The following BTBD1 variants were observed in gnomAD, a reference collection of about 807,000 sequenced individuals.
The protein encoded by BTBD1 is BTB/POZ domain-containing protein 1.
A neutral mutation model predicts 48.0 loss-of-function variants in BTBD1; 34 were observed. The observed-to-expected ratio is 0.71, with a 90% CI of 0.54 to 0.94. The LOEUF (loss-of-function observed/expected upper bound fraction) is 0.94, where lower values mean the gene tolerates loss of function less well. BTBD1 is among the 40% of genes least tolerant of loss of function. BTBD1 has a pLI of 0.00. For synonymous variants in BTBD1, 261 were observed against 242.1 expected, an observed-to-expected ratio of 1.08 and a Z score of -0.72; for missense variants, 543 against 625.6, an observed-to-expected ratio of 0.87 and a Z score of 1.41.
At chr15:83,041,535 C>A (rs1313792501) in intron 4 of BTBD1, among the ~76,000 whole-genome samples, 193 bp downstream of exon 4, 1 of 151,976 alleles carries the variant, frequency 6.6e-6, no homozygotes, top group Admixed American at 6.6e-5. Flanking sequence ...ACCACCATGC[C>A]TAATTTTTTG....
intron 3 of BTBD1, chr15:83,044,297 C>A (rs889734085): frequency 7.8e-6 from 6 of 768,380 alleles, no homozygotes; most frequent in Admixed American, 4.6e-5. Context: ...AAAATAAATA[C>A]CCCAGTTCGA....
chr15:83,044,992 G>A (rs1215127861), intron 3 of BTBD1, among the ~76,000 whole-genome samples: 1 of 151,934 alleles, frequency 6.6e-6, no homozygotes, highest in Non-Finnish European at 1.5e-5. Context: ...AAATACCCCA[G>A]TTCCTAAAAA....
rs144944825 is a variant in BTBD1, at chr15:83,053,991, GT to G, written c.558+2397del. Among the ~76,000 whole-genome samples, 264 of 152,334 alleles carry G rather than the reference GT, an allele frequency of 1.7e-3. 1 individual carries two copies. The highest frequency in any genetic ancestry group is 6.2e-3 in the African/African-American group (256 of 41,580). Reference sequence around the variant, plus strand: ...TTAGTTTTACCCACTGCTGTCTAGTGTAATAAGACGTTAACTTCTGTAAGCT... The same window carrying G: ...TTAGTTTTACCCACTGCTGTCTAGTGAATAAGACGTTAACTTCTGTAAGCT... On this transcript the variant is annotated intron_variant, in intron 2 of 7. Transcript: ENST00000261721.
At chr15:83,041,704 A>AT (rs1196275292) in intron 4 of BTBD1, 24 bp downstream of exon 4, 1 of 1,608,052 alleles carries the variant, frequency 6.2e-7, no homozygotes, top group East Asian at 2.2e-5. Flanking sequence ...TTTCAAATAG[A>AT]TTTTGGTGAA....
At chr15:83,050,825 A>G (rs1266363823) in intron 2 of BTBD1, among the ~76,000 whole-genome samples, 2 of 152,200 alleles carry the variant, frequency 1.3e-5, no homozygotes, top group African/African-American at 4.8e-5. Context: ...GGAATATTAT[A>G]CAACAATGAG....
rs200988095 is a variant in BTBD1, at chr15:83,050,072, C to T, written c.664+1G>A. The T allele has an allele frequency of 3.8e-6, 6 of 1,590,446 alleles. No individual in the cohort carries two copies. Among genetic ancestry groups the T allele is most frequent in the Non-Finnish European group, 5.2e-6 (6 of 1,159,956 alleles). ...AACAATTTACTTCATAGCGAACTTACCTATATCAATATCAGTAAACCCTTC... is the reference window on the plus strand; with the variant it reads ...AACAATTTACTTCATAGCGAACTTATCTATATCAATATCAGTAAACCCTTC... On this transcript the variant is annotated splice_donor_variant, in intron 3 of 7. Coordinates refer to ENST00000261721, the MANE Select transcript of BTBD1 (RefSeq NM_025238.4). LOFTEE classifies it high-confidence loss of function.
chr15:83,067,016 A>G lies in BTBD1; in HGVS notation c.136T>C (p.Tyr46His). 1.3e-6 allele frequency: 2 copies of G among 1,584,368 alleles called. No homozygotes were observed. Among genetic ancestry groups the G allele is most frequent in the Non-Finnish European group, 1.7e-6 (2 of 1,167,522 alleles). Residue 46 changes from tyrosine to histidine, a missense_variant, in exon 1 of 8, where the codon TAC becomes CAC. Around this residue, in one of 3 missense-constraint regions of BTBD1, gnomAD observed 173 missense variants for 163.9 expected, o/e 1.06. Coordinates refer to ENST00000261721, the MANE Select transcript of BTBD1 (RefSeq NM_025238.4). ...GACGCCTTGGTCGCCTGCCAGTTGT[A>G]GAGAGGTTCCCGCTGCAGGGGGAGC... The part of the protein sequence containing the change: ...PLLPLQREPL[Y>H]NWQATKASLK...
At chr15:83,021,452 A>G (rs143495304) in intron 5 of BTBD1, among the ~76,000 whole-genome samples, 310 of 152,306 alleles carry the variant, frequency 2.0e-3, no homozygotes, top group Admixed American at 4.3e-3. Context: ...AAAAACTGAC[A>G]TTAAATACAT....
intron 2 of BTBD1, among the ~76,000 whole-genome samples, chr15:83,053,341 C>T (rs963121586): frequency 6.6e-6 from 1 of 152,054 alleles, no homozygotes; most frequent in Admixed American, 6.6e-5. Flanking sequence ...GGCTAATTCA[C>T]ATGACCCCAC....
chr15:83,027,610 G>C (rs962999131), intron 5 of BTBD1, among the ~76,000 whole-genome samples: 4 of 152,164 alleles, frequency 2.6e-5, no homozygotes, highest in African/African-American at 4.8e-5. Context: ...GCCACAGCTG[G>C]AAACGTGCTG....
intron 5 of BTBD1, among the ~76,000 whole-genome samples, chr15:83,027,992 TATCA>T (rs1315035781): frequency 2.0e-5 from 3 of 152,222 alleles, no homozygotes; most frequent in Non-Finnish European, 4.4e-5. Flanking sequence ...CTAGATCACT[TATCA>T]ATTAAAAAAT....
Position 83,020,697 on chromosome 15 carries a change from G to GT in BTBD1, c.1120dup (p.Thr374AsnfsTer11). On this transcript the variant is annotated frameshift_variant, in exon 6 of 8. Coordinates refer to ENST00000261721, the MANE Select transcript of BTBD1 (RefSeq NM_025238.4). LOFTEE classifies it high-confidence loss of function. ...TACCTGTATATTCACTTGATAATCT[G>GT]TAGGGCCATGAATAGATCCATACAA... The GT allele has an allele frequency of 6.2e-7, 1 of 1,600,170 alleles. No homozygotes were observed. Among genetic ancestry groups the GT allele is most frequent in the South Asian group, 1.1e-5 (1 of 90,600 alleles).
Position 83,044,398 on chromosome 15 carries a change from T to C in BTBD1, c.665-2473A>G, listed in dbSNP as rs919240121. ...CACAGTTCAGCAGCTGGGAGGAAGA[T>C]GGCGCCTGGTGGACAGCAAACGCTT... On this transcript the variant is annotated intron_variant, in intron 3 of 7. Coordinates refer to ENST00000261721, the MANE Select transcript of BTBD1 (RefSeq NM_025238.4). 9 of 1,556,682 alleles carry C rather than the reference T, an allele frequency of 5.8e-6. 1 individual carries two copies. The highest frequency in any genetic ancestry group is 2.3e-5 in the South Asian group (2 of 87,116).
chr15:83,051,707 A>T (rs905886083), intron 2 of BTBD1, among the ~76,000 whole-genome samples: 8 of 150,072 alleles, frequency 5.3e-5, no homozygotes, highest in Non-Finnish European at 1.2e-4. Flanking sequence ...GAATTTCCTT[A>T]TTTTTTTTTA....
chr15:83,030,332 T>C lies in BTBD1; in HGVS notation c.863-4A>G. Reference sequence around the variant, plus strand: ...AAAATTCCAGATTGAGCAGGACCTGTGGAAATAAAAACATAAGCCTAAAAA... The same window carrying C: ...AAAATTCCAGATTGAGCAGGACCTGCGGAAATAAAAACATAAGCCTAAAAA... On this transcript the variant is annotated splice_polypyrimidine_tract_variant and splice_region_variant and intron_variant, in intron 4 of 7. Transcript: ENST00000261721. 1 of 1,600,712 alleles carries C rather than the reference T, an allele frequency of 6.2e-7. No individual in the cohort carries two copies. Among genetic ancestry groups the C allele is most frequent in the Non-Finnish European group, 8.5e-7 (1 of 1,172,844 alleles).
At chr15:83,066,362 A>G (rs577548384) in intron 1 of BTBD1, among the ~76,000 whole-genome samples, 2 of 152,274 alleles carry the variant, frequency 1.3e-5, no homozygotes, top group South Asian at 4.1e-4. Context: ...AGATTTTTCA[A>G]CTACTCTCTT....
At chr15:83,065,232 C>G (rs1276203619) in intron 1 of BTBD1, among the ~76,000 whole-genome samples, 2 of 152,144 alleles carry the variant, frequency 1.3e-5, no homozygotes, top group African/African-American at 2.4e-5. Flanking sequence ...TCTATAGCAC[C>G]AAACTGTTTT....
chr15:83,038,643 T>C (rs1195650719), intron 4 of BTBD1, among the ~76,000 whole-genome samples: 2 of 152,016 alleles, frequency 1.3e-5, no homozygotes, highest in Non-Finnish European at 2.9e-5. Flanking sequence ...CCACTGGATT[T>C]CAAACTATAC....
intron 4 of BTBD1, among the ~76,000 whole-genome samples, chr15:83,031,959 C>T (rs1196770547): frequency 6.6e-6 from 1 of 152,006 alleles, no homozygotes; most frequent in Non-Finnish European, 1.5e-5. Flanking sequence ...GAAAAGGGAA[C>T]TCTTTTACAC....
Sources: allele counts gnomAD v4.1 joint callset (sites outside exome capture counted in the v4.1 genomes callset), GRCh38; gene constraint gnomAD v4.1.1; regional missense constraint gnomAD v4.1.1; transcripts MANE v1.5; gene names NCBI Gene and HGNC (gene_info 2026-07-23, HGNC 2026-07-21).